The following LACTBL1 variants were observed in gnomAD, a reference collection of about 807,000 sequenced individuals.
The protein encoded by LACTBL1 is beta-lactamase-like protein 1.
LACTBL1 carries 29 observed loss-of-function variants against 39.6 expected under a neutral mutation model. That is an observed-to-expected ratio of 0.73 (90% CI 0.55 to 1.00). The LOEUF (loss-of-function observed/expected upper bound fraction) is 1.00, where lower values mean the gene tolerates loss of function less well. LACTBL1 is among the 50% of genes least tolerant of loss of function. The pLI, the probability that LACTBL1 is intolerant of heterozygous loss-of-function variation, is 0.00. For missense variants in LACTBL1, 711 were observed against 748.5 expected (o/e 0.95, Z 0.59); for synonymous variants, 361 against 360.7 (o/e 1.00, Z -0.01).
intron 4 of LACTBL1, 63 bp from the exon 7 acceptor site, chr1:22,955,489 G>T: frequency 9.5e-7 from 1 of 1,054,576 alleles, no homozygotes; most frequent in Non-Finnish European, 1.4e-6. Flanking sequence ...GGGCCCCTGG[G>T]TGCACTCCCT....
upstream of LACTBL1, among the ~76,000 whole-genome samples, chr1:22,968,988 G>T (rs751667367): frequency 1.3e-5 from 2 of 152,118 alleles, no homozygotes; most frequent in African/African-American, 2.4e-5. Flanking sequence ...ATGTTGCTCA[G>T]GCTGGTCTCA....
At chr1:22,971,505 C>CA in the LACTBL1 span, among the ~76,000 whole-genome samples, 51,618 of 151,988 alleles carry the variant, frequency 0.34, 8,884 homozygotes, top group Middle Eastern at 0.42. Context: ...ACGGCTCCAC[C>CA]ACCCCCCAAC....
rs559581124 is a variant in LACTBL1 at position 22,953,343 on chromosome 1, C to T, written c.1341G>A (p.Pro447=). ...ACTGGCGCAGGCGCAGCTCGCCCGC[C>T]GGCCCGGCGCGCACCTCGTAGAAGG... Residue 447 remains proline (P), a synonymous_variant, in exon 6 of 6, where the codon CCG becomes CCA. Transcript: ENST00000426928. 86 of 1,229,146 alleles carry T rather than the reference C, an allele frequency of 7.0e-5. 1 individual carries two copies. In the African/African-American group the frequency reaches 1.3e-3, roughly 18 times the overall value. The allele number at this position is 1,229,146 out of a possible 1,614,324, so 76.1% of individuals were successfully genotyped here.
intron 4 of LACTBL1, among the ~76,000 whole-genome samples, chr1:22,956,608 T>C (rs576048192): frequency 1.3e-5 from 2 of 152,186 alleles, no homozygotes; most frequent in Admixed American, 1.3e-4. Flanking sequence ...CCCCCTTACC[T>C]GTGTCAATCA....
chr1:22,960,916 A>G (rs1416794034), intron 2 of LACTBL1, among the ~76,000 whole-genome samples: 2 of 152,106 alleles, frequency 1.3e-5, no homozygotes, highest in Non-Finnish European at 2.9e-5. Context: ...AGTAGCTAGA[A>G]GTACAGGCAC....
chr1:22,968,249 G>C (rs941418591), upstream of LACTBL1, among the ~76,000 whole-genome samples: 3 of 152,096 alleles, frequency 2.0e-5, no homozygotes, highest in Non-Finnish European at 4.4e-5. Context: ...GTAGTAGTTA[G>C]AGCCCGGGGC....
the LACTBL1 span, among the ~76,000 whole-genome samples, chr1:22,971,962 GGGA>G: frequency 6.6e-6 from 1 of 152,152 alleles, no homozygotes; most frequent in African/African-American, 2.4e-5. Context: ...CCTAGGGGGA[GGGA>G]GGAGGAGGAG....
exon 5 of LACTBL1, chr1:22,955,398 T>C: frequency 6.5e-7 from 1 of 1,550,114 alleles, no homozygotes; most frequent in Non-Finnish European, 8.7e-7. Context: ...TCCACAGCAG[T>C]GAAGTGGAGC....
the LACTBL1 span, among the ~76,000 whole-genome samples, chr1:22,970,718 G>T: frequency 2.0e-5 from 3 of 150,476 alleles, no homozygotes; most frequent in Admixed American, 2.0e-4. Flanking sequence ...GCTGAGGTGT[G>T]AGGATTGCTT....
chr1:22,953,349 G>A (rs1167249692), exon 6 of LACTBL1: 6 of 1,229,054 alleles, frequency 4.9e-6, no homozygotes, highest in African/African-American at 1.6e-5. Context: ...CCGCCGGCCC[G>A]GCGCGCACCT....
rs763741170 is a variant in LACTBL1, at chr1:22,958,845, T to G, written c.393A>C (p.Leu131=). 4.5e-6 allele frequency: 7 copies of G among 1,550,606 alleles called. No individual in the cohort carries two copies. The South Asian group carries it at 8.3e-5, about 18-fold the overall frequency. The change falls in exon 4 of 6, where the codon CTA becomes CTC. Residue 131 remains leucine (L), a synonymous_variant. Coordinates refer to ENST00000426928, the Ensembl canonical transcript of LACTBL1. ...TGGCATACCGCTCCAGAGGGTCATC[T>G]AGGGAGGCCACGATGCCCTCCTCCC... is the stretch of plus-strand genomic sequence containing the variant.
exon 5 of LACTBL1, chr1:22,955,351 T>C (rs1403248834): frequency 6.4e-7 from 1 of 1,550,526 alleles, no homozygotes; most frequent in Non-Finnish European, 8.7e-7. Context: ...CAGCACATCG[T>C]CCTTGAGCAG....
upstream of LACTBL1, among the ~76,000 whole-genome samples, chr1:22,967,292 C>T (rs975009803): frequency 6.6e-6 from 1 of 152,236 alleles, no homozygotes; most frequent in East Asian, 1.9e-4. Context: ...TCACTTGAGC[C>T]TGGGAGGTGG....
chr1:22,955,233 G>A (rs1457146603), intron 5 of LACTBL1, 88 bp downstream of exon 7: 13 of 1,052,658 alleles, frequency 1.2e-5, no homozygotes, highest in Non-Finnish European at 1.7e-5. Context: ...GCCAACCTAG[G>A]ATGAGGTGAT....
chr1:22,966,256 A>G (rs1274310155), upstream of LACTBL1, among the ~76,000 whole-genome samples: 1 of 152,250 alleles, frequency 6.6e-6, no homozygotes, highest in Non-Finnish European at 1.5e-5. Flanking sequence ...GCACTGAGCC[A>G]GATATTGAGG....
Position 22,963,218 on chromosome 1 carries a change from T to C in LACTBL1, c.50-2A>G. ...AGGTCTCCTCTGGTCCCAGGGAACCTGGAGGGAACATCACATGGTGAGGAG... is the reference window on the plus strand; with the variant it reads ...AGGTCTCCTCTGGTCCCAGGGAACCCGGAGGGAACATCACATGGTGAGGAG... On this transcript the variant is annotated splice_acceptor_variant, in intron 1 of 5. Coordinates refer to ENST00000426928, the Ensembl canonical transcript of LACTBL1. LOFTEE classifies it high-confidence loss of function. 1 of 1,346,392 alleles carries C rather than the reference T, an allele frequency of 7.4e-7. No homozygotes were observed. Among genetic ancestry groups the C allele is most frequent in the Non-Finnish European group, 9.6e-7 (1 of 1,041,280 alleles). 83.4% of individuals were successfully genotyped at this position (1,346,392 alleles called of 1,614,324 possible). A position where few individuals can be genotyped will look rare whatever the true frequency, so the allele number is the denominator to read the frequency against.
At chr1:22,959,709 C>A (rs77604500) in intron 3 of LACTBL1, among the ~76,000 whole-genome samples, 7,005 of 152,278 alleles carry the variant, frequency 0.046, 266 homozygotes, top group South Asian at 0.11. Context: ...AGGTTCTTTC[C>A]AGAAGGGATT....
chr1:22,955,782 G>C (rs978898670), intron 4 of LACTBL1, among the ~76,000 whole-genome samples: 4 of 152,202 alleles, frequency 2.6e-5, no homozygotes, highest in African/African-American at 9.7e-5. Flanking sequence ...AAAGTTTGGG[G>C]CCGGGCGCGG....
intron 5 of LACTBL1, among the ~76,000 whole-genome samples, chr1:22,954,954 C>A (rs1172031042): frequency 6.6e-6 from 1 of 152,322 alleles, no homozygotes; most frequent in Admixed American, 6.5e-5. Flanking sequence ...GTCAGCAACC[C>A]GTTTATTTCC....
Sources: gnomAD v4.1 joint callset for allele counts (sites outside exome capture counted in the v4.1 genomes callset) on GRCh38, gnomAD v4.1.1 for gene constraint, MANE v1.5 for transcripts, NCBI Gene and HGNC (gene_info 2026-07-23, HGNC 2026-07-21) for gene names.